The following NSUN2 variants were observed in gnomAD, a reference collection of about 807,000 sequenced individuals.
NSUN2 encodes NOP2/Sun RNA methyltransferase 2.
A neutral mutation model predicts 92.7 loss-of-function variants in NSUN2; 63 were observed. The ratio of observed to expected loss-of-function variants is 0.68; its 90% CI spans 0.56 to 0.84. The LOEUF (loss-of-function observed/expected upper bound fraction) is 0.84. NSUN2 is among the 40% of genes least tolerant of loss of function. NSUN2 has a pLI of 0.00. For missense variants in NSUN2, 989 were observed against 964.9 expected (o/e 1.02, Z -0.33); for synonymous variants, 356 against 348.3 (o/e 1.02, Z -0.25).
chr5:6,611,850 A>C (rs1180172418), intron 9 of NSUN2, 52 bp from the exon 10 acceptor site: 3 of 1,457,698 alleles, frequency 2.1e-6, no homozygotes, highest in Non-Finnish European at 2.9e-6. Context: ...GTATTAACAC[A>C]CTATGCTCAG....
Position 6,620,134 on chromosome 5 carries a change from C to A in NSUN2, c.787G>T (p.Asp263Tyr), listed in dbSNP as rs761937596. 2 of 1,603,034 alleles carry A rather than the reference C, an allele frequency of 1.2e-6. No individual in the cohort carries two copies. The highest frequency in any genetic ancestry group is 1.8e-5 in the Admixed American group (1 of 57,002). The change falls in exon 7 of 19, where the codon GAT (aspartate) becomes TAT (tyrosine). Residue 263 changes from aspartate (D) to tyrosine (Y), a missense_variant. Coordinates refer to ENST00000264670, the MANE Select transcript of NSUN2 (RefSeq NM_017755.6). ...VDGRKEILFY[D>Y]RILCDVPCSG... is the part of the protein sequence containing the mutation. ...CAAGGGACATCACATAAAATTCGAT[C>A]ATAGAAGAGGATCTCTTTCCTGCCG...
rs557387244 is a variant in NSUN2 at position 6,604,809 on chromosome 5, C to T, written c.1738-124G>A. Reference sequence around the variant, plus strand: ...AAGGAGAGGAGAAGCAGAAACCCACCGAGAAACCCCGGTTAAGAACGAACT... The same window carrying T: ...AAGGAGAGGAGAAGCAGAAACCCACTGAGAAACCCCGGTTAAGAACGAACT... On this transcript the variant is annotated intron_variant, in intron 15 of 18. Coordinates refer to ENST00000264670, the MANE Select transcript of NSUN2 (RefSeq NM_017755.6). The T allele has an allele frequency of 3.6e-4, 273 of 748,432 alleles. 1 individual carries two copies. The highest frequency in any genetic ancestry group is 5.3e-4 in the Non-Finnish European group (236 of 442,916). The allele number at this position is 748,432 out of a possible 1,614,324, so 46.4% of individuals were successfully genotyped here.
chr5:6,622,857 A>AAG (rs1337239710), intron 5 of NSUN2, among the ~76,000 whole-genome samples: 4 of 151,298 alleles, frequency 2.6e-5, no homozygotes, highest in African/African-American at 7.3e-5. Context: ...CAAAAAAAAA[A>AAG]AAAAGAAAAG....
intron 17 of NSUN2, 182 bp downstream of exon 17, chr5:6,603,956 C>A: frequency 1.7e-6 from 1 of 585,924 alleles, no homozygotes; most frequent in Non-Finnish European, 3.0e-6. Flanking sequence ...CCCAAGATGC[C>A]TTTGACCCTT....
chr5:6,605,514 G>C, intron 14 of NSUN2, 106 bp from the exon 15 acceptor site: 2 of 1,265,352 alleles, frequency 1.6e-6, no homozygotes, highest in Non-Finnish European at 2.2e-6. Flanking sequence ...CAAAACTGCA[G>C]TGTGGTTCAA....
At chr5:6,630,282 A>C (rs1560986785) in intron 3 of NSUN2, among the ~76,000 whole-genome samples, 1 of 152,192 alleles carries the variant, frequency 6.6e-6, no homozygotes, top group Admixed American at 6.5e-5. Flanking sequence ...TCAAGCTTTT[A>C]AAAATCTAAG....
At chr5:6,626,082 C>G (rs1310926764) in intron 3 of NSUN2, among the ~76,000 whole-genome samples, 1 of 152,152 alleles carries the variant, frequency 6.6e-6, no homozygotes, top group African/African-American at 2.4e-5. Context: ...AATGCAGTGT[C>G]AGAGTGTCCC....
chr5:6,628,887 T>TA (rs964705005), intron 3 of NSUN2, among the ~76,000 whole-genome samples: 1 of 151,492 alleles, frequency 6.6e-6, no homozygotes, highest in African/African-American at 2.4e-5. Flanking sequence ...TACAAAAAAA[T>TA]AAAAAAAATT....
chr5:6,605,165 A>C (rs965974399), intron 15 of NSUN2, 108 bp downstream of exon 15: 1 of 1,446,606 alleles, frequency 6.9e-7, no homozygotes, highest in South Asian at 1.3e-5. Context: ...CCAGCGCTAC[A>C]GGTGGGGAGG....
At chr5:6,609,750 T>C (rs1351585115) in intron 12 of NSUN2, 76 bp downstream of exon 12, 10 of 1,163,546 alleles carry the variant, frequency 8.6e-6, no homozygotes, top group Non-Finnish European at 1.3e-5. Flanking sequence ...TCTGTACTTC[T>C]ACTAAACTCC....
intron 18 of NSUN2, among the ~76,000 whole-genome samples, chr5:6,600,680 T>C (rs3776446): frequency 0.67 from 102,293 of 151,754 alleles, 34,592 homozygotes; most frequent in Middle Eastern, 0.73. Flanking sequence ...TAGCAGGGCG[T>C]CAGAGCAGGA....
chr5:6,603,042 C>T (rs944069911), intron 17 of NSUN2, among the ~76,000 whole-genome samples: 1 of 152,212 alleles, frequency 6.6e-6, no homozygotes, highest in Non-Finnish European at 1.5e-5. Context: ...AGGAACCACA[C>T]GAGTAAGTTT....
intron 12 of NSUN2, 51 bp from the exon 13 acceptor site, chr5:6,607,435 C>T (rs1374832002): frequency 1.3e-6 from 2 of 1,485,146 alleles, no homozygotes; most frequent in Non-Finnish European, 1.8e-6. Flanking sequence ...ATTCTTTGTG[C>T]TGCTACGAAA....
chr5:6,604,056 G>A, intron 17 of NSUN2, 82 bp downstream of exon 17: 1 of 1,203,412 alleles, frequency 8.3e-7, no homozygotes, highest in Non-Finnish European at 1.2e-6. Context: ...TGATAAATAT[G>A]CCCCAACGCA....
intron 12 of NSUN2, among the ~76,000 whole-genome samples, chr5:6,607,722 C>T (rs995160816): frequency 2.0e-5 from 3 of 152,168 alleles, no homozygotes; most frequent in East Asian, 3.9e-4. Context: ...CACTGAAGGA[C>T]ACAAAGTGCA....
At chr5:6,610,905 T>G in intron 11 of NSUN2, 50 bp downstream of exon 11, 1 of 1,605,598 alleles carries the variant, frequency 6.2e-7, no homozygotes, top group African/African-American at 1.3e-5. Context: ...TCACCAGGGA[T>G]GGGGCTTAAC....
rs201409736 is a variant in NSUN2 at position 6,631,920 on chromosome 5, G to C, written c.312C>G (p.Asp104Glu). 3.7e-6 allele frequency: 6 copies of C among 1,614,068 alleles called. No individual in the cohort carries two copies. The highest frequency in any genetic ancestry group is 1.6e-4 in the Middle Eastern group (1 of 6,062). Residue 104 changes from aspartate (D) to glutamate (E), a missense_variant, in exon 3 of 19, where the codon GAC (aspartate) becomes GAG (glutamate). This residue lies in a region of NSUN2 where 356 missense variants were observed against 338.6 expected (regional missense o/e 1.05). Transcript: ENST00000264670. ...LKNKYFKELE[D>E]LEVDGQKVEV... ...CAACTTTCTGACCGTCCACCTCCAG[G>C]TCCTCCAATTCCTTAAAATATTTGT...
intron 14 of NSUN2, among the ~76,000 whole-genome samples, chr5:6,605,790 C>T (rs1484198945): frequency 1.3e-5 from 2 of 151,880 alleles, no homozygotes; most frequent in Non-Finnish European, 2.9e-5. Flanking sequence ...CTCTGCCTCC[C>T]GGGTTGAAGC....
At chr5:6,602,896 A>T (rs1736613217) in intron 17 of NSUN2, among the ~76,000 whole-genome samples, 1 of 152,252 alleles carries the variant, frequency 6.6e-6, no homozygotes, top group African/African-American at 2.4e-5. Flanking sequence ...TACTGCAATC[A>T]TCTAAGTGCA....
Sources: allele counts gnomAD v4.1 joint callset (sites outside exome capture counted in the v4.1 genomes callset), GRCh38; gene constraint gnomAD v4.1.1; regional missense constraint gnomAD v4.1.1; transcripts MANE v1.5; gene names NCBI Gene and HGNC (gene_info 2026-07-23, HGNC 2026-07-21).